Variants in VRK1 observed in about 807,000 individuals in gnomAD.
VRK1 encodes the protein VRK serine/threonine kinase 1.
Under a neutral mutation model 57.1 loss-of-function variants are expected in VRK1, and 33 were observed. The observed-to-expected ratio is 0.58, with a 90% CI of 0.44 to 0.77. VRK1 has a LOEUF of 0.77. Ranked by LOEUF, VRK1 falls within the 30% of genes least tolerant of loss-of-function variation. The pLI, the probability that VRK1 is intolerant of heterozygous loss-of-function variation, is 0.00. For missense variants in VRK1, 413 were observed against 477.3 expected, an observed-to-expected ratio of 0.87 and a Z score of 1.25; for synonymous variants, 137 against 147.8, an observed-to-expected ratio of 0.93 and a Z score of 0.53.
At chr14:96,863,942 T>G (rs1221968812) in intron 11 of VRK1, among the ~76,000 whole-genome samples, 1 of 152,206 alleles carries the variant, frequency 6.6e-6, no homozygotes, top group African/African-American at 2.4e-5. Context: ...TCGTACAGCC[T>G]TTATACCATT....
At chr14:96,827,949 C>T (rs940591437) in intron 1 of VRK1, among the ~76,000 whole-genome samples, 5 of 152,172 alleles carry the variant, frequency 3.3e-5, no homozygotes, top group African/African-American at 1.2e-4. Context: ...AGAATGCTAC[C>T]AGATCCCTAG....
At chr14:96,865,931 TC>T (rs1346371828) in intron 11 of VRK1, among the ~76,000 whole-genome samples, 1 of 152,072 alleles carries the variant, frequency 6.6e-6, no homozygotes, top group Non-Finnish European at 1.5e-5. Context: ...TTAAATCATT[TC>T]CTCTATTTTT....
chr14:96,810,525 A>G (rs1413038826), intron 1 of VRK1, among the ~76,000 whole-genome samples: 2 of 152,128 alleles, frequency 1.3e-5, no homozygotes, highest in African/African-American at 4.8e-5. Context: ...TACTTTTTTC[A>G]TATGGTTATC....
chr14:96,836,921 C>T (rs994394079), intron 2 of VRK1, among the ~76,000 whole-genome samples: 7 of 152,132 alleles, frequency 4.6e-5, no homozygotes, highest in Admixed American at 1.3e-4. Context: ...GCTCAAGTAA[C>T]ACCTTGTCAG....
chr14:96,835,561 A>T (rs1281794533), intron 2 of VRK1, among the ~76,000 whole-genome samples: 2 of 152,156 alleles, frequency 1.3e-5, no homozygotes, highest in Non-Finnish European at 2.9e-5. Context: ...GCCTGTAGCC[A>T]CTGGCCTATA....
chr14:96,843,077 A>T (rs1480952487), intron 3 of VRK1, among the ~76,000 whole-genome samples: 1 of 152,220 alleles, frequency 6.6e-6, no homozygotes, highest in Non-Finnish European at 1.5e-5. Flanking sequence ...CACATAATAA[A>T]AATGTTCTCA....
intron 5 of VRK1, among the ~76,000 whole-genome samples, chr14:96,850,464 C>T (rs566905649): frequency 2.0e-5 from 3 of 152,218 alleles, no homozygotes; most frequent in Admixed American, 2.0e-4. Flanking sequence ...ATGGTAGAGC[C>T]GTCTTTCCAG....
intron 11 of VRK1, among the ~76,000 whole-genome samples, chr14:96,865,828 T>C (rs1362824121): frequency 2.6e-5 from 4 of 152,194 alleles, no homozygotes; most frequent in African/African-American, 9.6e-5. Flanking sequence ...TTGTCAGATA[T>C]GTTTGCTCTG....
chr14:96,814,077 C>A (rs1189751511), intron 1 of VRK1, among the ~76,000 whole-genome samples: 1 of 152,020 alleles, frequency 6.6e-6, no homozygotes, highest in African/African-American at 2.4e-5. Flanking sequence ...TACATAAGAG[C>A]TATAAATTCT....
At chr14:96,811,226 C>CA (rs1306565993) in intron 1 of VRK1, among the ~76,000 whole-genome samples, 1 of 152,168 alleles carries the variant, frequency 6.6e-6, no homozygotes, top group African/African-American at 2.4e-5. Flanking sequence ...CCACCGCGCC[C>CA]AGCCTCTGAT....
intron 1 of VRK1, among the ~76,000 whole-genome samples, chr14:96,797,841 C>G (rs1334842762): frequency 6.6e-6 from 1 of 152,240 alleles, no homozygotes; most frequent in Non-Finnish European, 1.5e-5. Context: ...AGGCCCCTGC[C>G]CCGCAGAGCT....
chr14:96,817,621 A>G (rs1435167252), intron 1 of VRK1, among the ~76,000 whole-genome samples: 1 of 152,160 alleles, frequency 6.6e-6, no homozygotes, highest in Non-Finnish European at 1.5e-5. Flanking sequence ...ATATAGGGAA[A>G]AATGTTGTTC....
intron 1 of VRK1, among the ~76,000 whole-genome samples, chr14:96,806,828 C>A (rs1462550884): frequency 6.6e-6 from 1 of 151,324 alleles, no homozygotes; most frequent in Non-Finnish European, 1.5e-5. Context: ...CCCTCCCTCC[C>A]TCCCTTCCTT....
chr14:96,844,990 A>G (rs564596701), intron 3 of VRK1, among the ~76,000 whole-genome samples: 31 of 152,286 alleles, frequency 2.0e-4, no homozygotes, highest in African/African-American at 6.7e-4. Context: ...AGTGCTTGCA[A>G]AAGTCATCTC....
chr14:96,881,247 C>T lies in VRK1; in HGVS notation c.*39C>T. On this transcript the variant is annotated 3_prime_UTR_variant, in exon 13 of 13. Coordinates refer to ENST00000216639, the MANE Select transcript of VRK1 (RefSeq NM_003384.3). ...AACCAGATTTCCTTTTCTTTGTTTTCTTTTGACTTTTTTCTCCTTTTCTAT... is the reference window on the plus strand; with the variant it reads ...AACCAGATTTCCTTTTCTTTGTTTTTTTTTGACTTTTTTCTCCTTTTCTAT... 2.6e-6 allele frequency: 4 copies of T among 1,561,818 alleles called. No homozygotes were observed. Among genetic ancestry groups the T allele is most frequent in the Non-Finnish European group, 3.5e-6 (4 of 1,147,058 alleles).
chr14:96,815,281 G>T (rs1886349598), intron 1 of VRK1, among the ~76,000 whole-genome samples: 1 of 152,156 alleles, frequency 6.6e-6, no homozygotes, highest in Non-Finnish European at 1.5e-5. Context: ...GTTAGTGAAA[G>T]AAATCATGGT....
At chr14:96,866,287 T>C (rs1413298841) in intron 11 of VRK1, among the ~76,000 whole-genome samples, 2 of 152,132 alleles carry the variant, frequency 1.3e-5, no homozygotes, top group African/African-American at 4.8e-5. Flanking sequence ...TGAATACATA[T>C]TTGGGGGTGG....
intron 11 of VRK1, among the ~76,000 whole-genome samples, chr14:96,865,987 T>A (rs1888572326): frequency 6.6e-6 from 1 of 152,150 alleles, no homozygotes; most frequent in South Asian, 2.1e-4. Context: ...AAGCCTCTGA[T>A]GCATTTTATA....
chr14:96,843,588 T>C (rs770006165), intron 3 of VRK1, among the ~76,000 whole-genome samples: 4 of 152,194 alleles, frequency 2.6e-5, no homozygotes, highest in Non-Finnish European at 5.9e-5. Flanking sequence ...TTTAATTTTT[T>C]TTCTGTTGTC....
Sources: allele counts gnomAD v4.1 joint callset (sites outside exome capture counted in the v4.1 genomes callset), GRCh38; gene constraint gnomAD v4.1.1; transcripts MANE v1.5; gene names NCBI Gene and HGNC (gene_info 2026-07-23, HGNC 2026-07-21).